GFPT1: variants seen among roughly 807,000 people sequenced by gnomAD.
GFPT1 encodes the protein glutamine--fructose-6-phosphate aminotransferase [isomerizing] 1.
Under a neutral mutation model 92.0 loss-of-function variants are expected in GFPT1, and 40 were observed. The ratio of observed to expected loss-of-function variants is 0.43; its 90% CI spans 0.34 to 0.57. The LOEUF (loss-of-function observed/expected upper bound fraction) is 0.57, where lower values mean the gene tolerates loss of function less well. Among genes scored for constraint, GFPT1 ranks in the 20% least tolerant of loss-of-function variants. The pLI is 0.02. For missense variants in GFPT1, 448 were observed against 869.1 expected, an observed-to-expected ratio of 0.52 and a Z score of 6.09; for synonymous variants, 269 against 280.6, an observed-to-expected ratio of 0.96 and a Z score of 0.41.
At chr2:69,366,656 T>G (rs1459267477) in intron 3 of GFPT1, among the ~76,000 whole-genome samples, 1 of 152,238 alleles carries the variant, frequency 6.6e-6, no homozygotes. Flanking sequence ...CAATCCTACC[T>G]GCAATCCCTC....
At chr2:69,372,633 C>T (rs745676799) in intron 2 of GFPT1, among the ~76,000 whole-genome samples, 1 of 151,770 alleles carries the variant, frequency 6.6e-6, no homozygotes, top group African/African-American at 2.4e-5. Context: ...AAAGGAGCCT[C>T]CAAAGCAAAC....
intron 13 of GFPT1, among the ~76,000 whole-genome samples, 160 bp downstream of exon 13, chr2:69,341,992 C>T (rs757460321): frequency 7.2e-5 from 11 of 152,180 alleles, no homozygotes; most frequent in Non-Finnish European, 1.0e-4. Context: ...TAATTCCAAG[C>T]AGCTGGTAAA....
At chr2:69,344,060 G>A (rs1252958344) in intron 12 of GFPT1, among the ~76,000 whole-genome samples, 4 of 151,994 alleles carry the variant, frequency 2.6e-5, no homozygotes, top group African/African-American at 9.7e-5. Flanking sequence ...GCCTGTTTGT[G>A]TACCTCTGCC....
chr2:69,386,623 A>G (rs1189779839), intron 1 of GFPT1, among the ~76,000 whole-genome samples: 1 of 152,222 alleles, frequency 6.6e-6, no homozygotes, highest in Non-Finnish European at 1.5e-5. Context: ...GAAACAAGTA[A>G]AATATTTTTT....
intron 12 of GFPT1, among the ~76,000 whole-genome samples, chr2:69,344,976 T>G (rs564032167): frequency 6.6e-6 from 1 of 152,180 alleles, no homozygotes. Flanking sequence ...GTTTGTCTCA[T>G]TTTCTTCCCT....
intron 17 of GFPT1, among the ~76,000 whole-genome samples, chr2:69,328,695 T>A (rs1011616626): frequency 7.4e-6 from 1 of 135,444 alleles, no homozygotes; most frequent in Non-Finnish European, 1.5e-5. Flanking sequence ...ATATTTCTGG[T>A]TAACCCTTTT....
At chr2:69,363,807 C>G (rs976661310) in intron 3 of GFPT1, 137 bp from the exon 4 acceptor site, 14 of 723,046 alleles carry the variant, frequency 1.9e-5, no homozygotes, top group Non-Finnish European at 2.8e-5. Flanking sequence ...CAGGCATATT[C>G]AAAATAGTGA....
chr2:69,333,040 C>A (rs1670708722), intron 15 of GFPT1, among the ~76,000 whole-genome samples: 2 of 152,202 alleles, frequency 1.3e-5, no homozygotes. Flanking sequence ...CACCAGCAGA[C>A]TGGAATCTTT....
At chr2:69,363,985 C>T (rs1428818334) in intron 3 of GFPT1, among the ~76,000 whole-genome samples, 2 of 152,036 alleles carry the variant, frequency 1.3e-5, no homozygotes, top group Non-Finnish European at 2.9e-5. Flanking sequence ...CATGGTGGCA[C>T]GCGCCTGTAG....
At chr2:69,363,359 C>T (rs576635327) in intron 4 of GFPT1, among the ~76,000 whole-genome samples, 186 bp downstream of exon 4, 1 of 152,152 alleles carries the variant, frequency 6.6e-6, no homozygotes, top group Non-Finnish European at 1.5e-5. Flanking sequence ...CCAACTCAGG[C>T]TCCCAAAGTG....
At chr2:69,360,244 G>A (rs1052026471) in intron 4 of GFPT1, among the ~76,000 whole-genome samples, 6 of 149,594 alleles carry the variant, frequency 4.0e-5, no homozygotes, top group African/African-American at 9.9e-5. Flanking sequence ...CAGGAGAATC[G>A]CTTGAATCTG....
At chr2:69,354,369 CT>C in intron 8 of GFPT1, 57 bp from the exon 9 acceptor site, 1 of 1,437,162 alleles carries the variant, frequency 7.0e-7, no homozygotes, top group Non-Finnish European at 9.7e-7. Flanking sequence ...AAAAACAAAT[CT>C]TTTTCATGTC....
intron 3 of GFPT1, among the ~76,000 whole-genome samples, chr2:69,367,317 T>A (rs1671633629): frequency 6.6e-6 from 1 of 151,826 alleles, no homozygotes; most frequent in Admixed American, 6.6e-5. Flanking sequence ...CTACATATGC[T>A]CATTCACTAT....
chr2:69,373,850 T>C (rs1447461404), intron 2 of GFPT1, among the ~76,000 whole-genome samples, 156 bp downstream of exon 2: 1 of 152,172 alleles, frequency 6.6e-6, no homozygotes, highest in Non-Finnish European at 1.5e-5. Context: ...TGAGATTACA[T>C]AAATAAATCC....
intron 3 of GFPT1, among the ~76,000 whole-genome samples, chr2:69,365,082 GA>G: frequency 6.7e-6 from 1 of 149,990 alleles, no homozygotes; most frequent in Non-Finnish European, 1.5e-5. Context: ...TAAAAAAATG[GA>G]CAGCTCCAGT....
chr2:69,342,296 G>T (rs761053635), intron 12 of GFPT1, 47 bp from the exon 13 acceptor site: 2 of 1,147,024 alleles, frequency 1.7e-6, no homozygotes, highest in South Asian at 2.5e-5. Flanking sequence ...AGAACCATGT[G>T]AACTAGGCAA....
At chr2:69,354,466 T>G in intron 8 of GFPT1, 23 bp downstream of exon 8, 1 of 1,432,270 alleles carries the variant, frequency 7.0e-7, no homozygotes, top group Non-Finnish European at 9.9e-7. Flanking sequence ...TCTACTGCAC[T>G]GCATTTGTAG....
At chr2:69,369,920 G>A (rs1313385598) in intron 3 of GFPT1, 81 bp downstream of exon 3, 10 of 835,550 alleles carry the variant, frequency 1.2e-5, no homozygotes, top group Non-Finnish European at 2.1e-5. Flanking sequence ...AATATGGGGG[G>A]AGGGAGTAAC....
intron 15 of GFPT1, 81 bp downstream of exon 15, chr2:69,337,817 G>A (rs1670837894): frequency 8.9e-7 from 1 of 1,118,440 alleles, no homozygotes; most frequent in Non-Finnish European, 1.4e-6. Flanking sequence ...ACAAAAATAA[G>A]ATACAGACTA....
Sources: allele counts gnomAD v4.1 joint callset (sites outside exome capture counted in the v4.1 genomes callset), GRCh38; gene constraint gnomAD v4.1.1; transcripts MANE v1.5; gene names NCBI Gene and HGNC (gene_info 2026-07-23, HGNC 2026-07-21).